Variants in ASAP2 observed in about 807,000 individuals in gnomAD.
ASAP2 encodes the protein arf-GAP with SH3 domain, ANK repeat and PH domain-containing protein 2.
Under a neutral mutation model 131.4 loss-of-function variants are expected in ASAP2, and 45 were observed. The observed-to-expected ratio is 0.34, with a 90% CI of 0.27 to 0.44. The LOEUF is 0.44. Among genes scored for constraint, ASAP2 ranks in the 20% least tolerant of loss-of-function variants. The probability of loss-of-function intolerance (pLI) is 1.00; values close to 1 mark genes in which losing one functional copy is unlikely to be tolerated. For missense variants in ASAP2, 1,011 were observed against 1,297.0 expected (o/e 0.78, Z 3.39); for synonymous variants, 510 against 503.0 (o/e 1.01, Z -0.19).
chr2:9,258,728 C>T (rs1415567677), intron 1 of ASAP2, among the ~76,000 whole-genome samples: 1 of 152,222 alleles, frequency 6.6e-6, no homozygotes, highest in Non-Finnish European at 1.5e-5. Context: ...TCTTGAGGAA[C>T]AGTAAATATT....
At chr2:9,213,170 A>G (rs1368391737) in intron 1 of ASAP2, among the ~76,000 whole-genome samples, 6 of 152,262 alleles carry the variant, frequency 3.9e-5, no homozygotes, top group African/African-American at 1.4e-4. Flanking sequence ...GAAATCAGGA[A>G]AAGCCTCTCT....
At chr2:9,221,817 C>T (rs546959371) in intron 1 of ASAP2, among the ~76,000 whole-genome samples, 105 of 152,036 alleles carry the variant, frequency 6.9e-4, no homozygotes, top group Non-Finnish European at 1.2e-3. Flanking sequence ...TTTTTTGAGA[C>T]GGAGTCTCGC....
chr2:9,222,370 T>C (rs1425308036), intron 1 of ASAP2, among the ~76,000 whole-genome samples: 1 of 152,232 alleles, frequency 6.6e-6, no homozygotes, highest in Non-Finnish European at 1.5e-5. Flanking sequence ...TTGCCTTGTC[T>C]GGCCACGGTG....
intron 2 of ASAP2, among the ~76,000 whole-genome samples, chr2:9,282,814 C>CTG (rs1202531776): frequency 5.9e-5 from 9 of 152,218 alleles, no homozygotes; most frequent in African/African-American, 2.2e-4. Flanking sequence ...GCCTGCTTTC[C>CTG]TGATTTGTCA....
At chr2:9,366,716 G>A (rs1418053499) in intron 15 of ASAP2, among the ~76,000 whole-genome samples, 1 of 152,162 alleles carries the variant, frequency 6.6e-6, no homozygotes, top group East Asian at 1.9e-4. Flanking sequence ...GTTGGTTAAT[G>A]TTTTATGCTT....
chr2:9,324,793 T>C lies in ASAP2; in HGVS notation c.600+1543T>C, dbSNP rs551863398. ...CTTTTGGTTACTATTTGCACCCTTT[T>C]ACATTCAACCTGTGAATCTGAAGTG... On this transcript the variant is annotated intron_variant, in intron 6 of 27. Transcript: ENST00000281419. Among the ~76,000 whole-genome samples the C allele has an allele frequency of 4.6e-5, 7 of 152,368 alleles. No individual in the cohort carries two copies. The East Asian group carries it at 1.3e-3, about 29-fold the overall frequency.
chr2:9,220,280 T>C (rs1662324133), intron 1 of ASAP2, among the ~76,000 whole-genome samples: 1 of 152,252 alleles, frequency 6.6e-6, no homozygotes, highest in African/African-American at 2.4e-5. Context: ...AAAGTCAGTT[T>C]AACTTTTTGA....
chr2:9,357,995 G>T (rs576293715), intron 14 of ASAP2, among the ~76,000 whole-genome samples: 5 of 152,230 alleles, frequency 3.3e-5, no homozygotes, highest in East Asian at 1.9e-4. Flanking sequence ...CATTTTGTGG[G>T]TCCCTATCAT....
intron 24 of ASAP2, among the ~76,000 whole-genome samples, chr2:9,397,209 C>T (rs1262559983): frequency 6.6e-6 from 1 of 152,120 alleles, no homozygotes; most frequent in African/African-American, 2.4e-5. Context: ...TGCTGTTTTT[C>T]GAGAGAAACA....
chr2:9,388,418 C>T lies in ASAP2; in HGVS notation c.2255C>T (p.Ala752Val), dbSNP rs1221780266. 12 of 1,614,018 alleles carry T rather than the reference C, an allele frequency of 7.4e-6. No individual in the cohort carries two copies. The Admixed American group carries it at 2.0e-4, about 27-fold the overall frequency. The stretch of plus-strand genomic sequence containing the variant: ...AACCTTGCCAAGGAGAAGCAGAGGG[C>T]TTTCATGCCCAGCATCTTGCAGAAT... ...AANLAKEKQR[A>V]FMPSILQNET... The change falls in exon 22 of 28, where the codon GCT becomes GTT. Residue 752 changes from alanine (A) to valine (V), a missense_variant. By Grantham distance (64) the Ala-to-Val change is moderately conservative. Coordinates refer to ENST00000281419, the MANE Select transcript of ASAP2 (RefSeq NM_003887.3).
intron 1 of ASAP2, among the ~76,000 whole-genome samples, chr2:9,218,234 G>GTTAATGA (rs1383375941): frequency 6.6e-6 from 1 of 152,186 alleles, no homozygotes; most frequent in Non-Finnish European, 1.5e-5. Flanking sequence ...CTTAGTGCAG[G>GTTAATGA]TTAATGATGG....
At chr2:9,350,201 GTGGGGGAGAGGGTT>G (rs1222127073) in intron 11 of ASAP2, among the ~76,000 whole-genome samples, 1 of 152,160 alleles carries the variant, frequency 6.6e-6, no homozygotes, top group Non-Finnish European at 1.5e-5. Flanking sequence ...GGTGTCGTGT[GTGGGGGAGAGGGTT>G]TGGGGGTTAC....
intron 7 of ASAP2, among the ~76,000 whole-genome samples, chr2:9,329,418 C>T (rs1057115485): frequency 3.3e-5 from 5 of 152,156 alleles, no homozygotes; most frequent in African/African-American, 7.2e-5. Flanking sequence ...CTTGCCTTCA[C>T]GGACCCTGGG....
intron 1 of ASAP2, among the ~76,000 whole-genome samples, chr2:9,226,744 G>A (rs909104497): frequency 3.9e-5 from 6 of 152,192 alleles, no homozygotes; most frequent in Admixed American, 2.6e-4. Context: ...AGAACACGCC[G>A]TCCGTCCACT....
At chr2:9,266,558 G>A (rs1665963619) in intron 1 of ASAP2, among the ~76,000 whole-genome samples, 1 of 152,096 alleles carries the variant, frequency 6.6e-6, no homozygotes, top group African/African-American at 2.4e-5. Context: ...CTGCTGGGGG[G>A]CCTGCAGGTC....
intron 1 of ASAP2, among the ~76,000 whole-genome samples, chr2:9,250,155 G>T (rs1342296734): frequency 2.0e-5 from 3 of 152,190 alleles, no homozygotes; most frequent in Non-Finnish European, 4.4e-5. Context: ...CTCCTTGGGG[G>T]CAGAAACTGC....
intron 1 of ASAP2, among the ~76,000 whole-genome samples, chr2:9,223,285 G>C (rs912273910): frequency 6.6e-6 from 1 of 152,208 alleles, no homozygotes; most frequent in Non-Finnish European, 1.5e-5. Context: ...AAGGAGATTT[G>C]ATTGATCTTA....
intron 1 of ASAP2, among the ~76,000 whole-genome samples, chr2:9,237,014 G>A (rs1375157232): frequency 6.6e-6 from 1 of 152,164 alleles, no homozygotes; most frequent in African/African-American, 2.4e-5. Flanking sequence ...GGCAGGACGA[G>A]GTCCAAGTTG....
intron 20 of ASAP2, among the ~76,000 whole-genome samples, chr2:9,382,721 C>G (rs1393921941): frequency 1.3e-5 from 2 of 152,154 alleles, no homozygotes; most frequent in African/African-American, 4.8e-5. Flanking sequence ...AACTCTAGCC[C>G]TGTTTTTTCT....
Sources: allele counts gnomAD v4.1 joint callset (sites outside exome capture counted in the v4.1 genomes callset), GRCh38; gene constraint gnomAD v4.1.1; transcripts MANE v1.5; gene names NCBI Gene and HGNC (gene_info 2026-07-23, HGNC 2026-07-21).